TENM4: variants seen among roughly 807,000 people sequenced by gnomAD.
The protein encoded by TENM4 is teneurin transmembrane protein 4.
A neutral mutation model predicts 243.3 loss-of-function variants in TENM4; 82 were observed. The observed-to-expected ratio is 0.34, with a 90% CI of 0.28 to 0.40. The LOEUF (loss-of-function observed/expected upper bound fraction) is 0.40. Ranked by LOEUF, TENM4 falls within the 10% of genes least tolerant of loss-of-function variation. The pLI, the probability that TENM4 is intolerant of heterozygous loss-of-function variation, is 1.00. For missense variants in TENM4, 3,138 were observed against 3,673.3 expected, an observed-to-expected ratio of 0.85 and a Z score of 3.77; for synonymous variants, 1,412 against 1,456.3, an observed-to-expected ratio of 0.97 and a Z score of 0.69.
At chr11:79,086,625 G>A (rs1417911190) in intron 4 of TENM4, among the ~76,000 whole-genome samples, 1 of 152,126 alleles carries the variant, frequency 6.6e-6, no homozygotes, top group Non-Finnish European at 1.5e-5. Flanking sequence ...CTTGAGGTCA[G>A]GAGTTTAAGA....
chr11:78,805,282 C>CACCCCCCCAACCCCCCCCCCCCT lies in TENM4; in HGVS notation c.2179+9_2179+10insAGGGGGGGGGGGGTTGGGGGGGT. On this transcript the variant is annotated intron_variant, in intron 15 of 33. Coordinates refer to ENST00000278550, the MANE Select transcript of TENM4 (RefSeq NM_001098816.3). ...CCCTCTACCCATGCTTCTTCTCCCC[C>CACCCCCCCAACCCCCCCCCCCCT]TGCATTTACCGATAGAACAGTCGTG... is the stretch of plus-strand genomic sequence containing the variant. The CACCCCCCCAACCCCCCCCCCCCT allele has an allele frequency of 1.0e-6, 1 of 995,568 alleles. No homozygotes were observed. The highest frequency in any genetic ancestry group is 1.2e-6 in the Non-Finnish European group (1 of 823,790). The allele number at this position is 995,568 out of a possible 1,614,324, so 61.7% of individuals were successfully genotyped here.
At chr11:78,741,408 A>G (rs1054149969) in intron 19 of TENM4, among the ~76,000 whole-genome samples, 3 of 152,182 alleles carry the variant, frequency 2.0e-5, no homozygotes, top group Non-Finnish European at 2.9e-5. Flanking sequence ...CAAGCTACCA[A>G]TGAGATGCCA....
At chr11:79,415,286 A>C (rs1395797659) in intron 1 of TENM4, among the ~76,000 whole-genome samples, 1 of 152,178 alleles carries the variant, frequency 6.6e-6, no homozygotes, top group South Asian at 2.1e-4. Flanking sequence ...CTTTGGAAGC[A>C]CTCATGTCTA....
chr11:78,904,342 A>C (rs1856012928), intron 6 of TENM4, among the ~76,000 whole-genome samples: 1 of 124,492 alleles, frequency 8.0e-6, no homozygotes, highest in Non-Finnish European at 1.6e-5. Context: ...CCTGAGCTAC[A>C]GAGCAAGACT....
intron 19 of TENM4, among the ~76,000 whole-genome samples, chr11:78,755,741 A>G: frequency 6.6e-6 from 1 of 152,112 alleles, no homozygotes; most frequent in Non-Finnish European, 1.5e-5. Context: ...AGACACAATC[A>G]GTTACCAAGT....
At chr11:78,705,637 T>G (rs1347081792) in intron 27 of TENM4, among the ~76,000 whole-genome samples, 2 of 152,182 alleles carry the variant, frequency 1.3e-5, no homozygotes, top group Non-Finnish European at 2.9e-5. Context: ...GTGCCTTTAT[T>G]AAAGCACTTG....
chr11:79,258,560 C>T (rs1855739597), intron 2 of TENM4, among the ~76,000 whole-genome samples: 1 of 152,184 alleles, frequency 6.6e-6, no homozygotes, highest in East Asian at 1.9e-4. Context: ...TTGTAATACA[C>T]CAGTTTCCAA....
At chr11:78,714,515 CG>C (rs1859478581) in intron 25 of TENM4, among the ~76,000 whole-genome samples, 1 of 152,172 alleles carries the variant, frequency 6.6e-6, no homozygotes, top group South Asian at 2.1e-4. Flanking sequence ...GAGGTCTCTC[CG>C]CCTGTAGCCT....
chr11:79,008,542 T>C (rs1016650287), intron 6 of TENM4, among the ~76,000 whole-genome samples: 40 of 152,236 alleles, frequency 2.6e-4, no homozygotes, highest in African/African-American at 9.2e-4. Flanking sequence ...TGCTTAACAT[T>C]TTATGATAAA....
At chr11:79,227,002 G>A (rs888237090) in intron 2 of TENM4, among the ~76,000 whole-genome samples, 1 of 152,206 alleles carries the variant, frequency 6.6e-6, no homozygotes, top group African/African-American at 2.4e-5. Flanking sequence ...GCTCTGCAGG[G>A]AGCTACATTT....
intron 4 of TENM4, among the ~76,000 whole-genome samples, chr11:79,091,081 A>G (rs1394908218): frequency 1.3e-5 from 2 of 152,192 alleles, no homozygotes; most frequent in East Asian, 3.9e-4. Context: ...GTTAGGTTTC[A>G]GAGCTCTTAC....
At position 78,733,566 on chromosome 11, in the gene TENM4, C is replaced by T. The variant is rs540302551; in HGVS notation, c.2877-989G>A. Among the ~76,000 whole-genome samples the T allele has an allele frequency of 7.2e-5, 11 of 152,300 alleles. No homozygotes were observed. In the South Asian group the frequency reaches 1.9e-3, roughly 26 times the overall value. ...TACTGGCAGCTCTGTTTGGTGCTGGCATCTTAACTCCAATCACCTGCAGAC... is the reference window on the plus strand; with the variant it reads ...TACTGGCAGCTCTGTTTGGTGCTGGTATCTTAACTCCAATCACCTGCAGAC... On this transcript the variant is annotated intron_variant, in intron 20 of 33. Coordinates refer to ENST00000278550, the MANE Select transcript of TENM4 (RefSeq NM_001098816.3).
At chr11:79,352,885 TA>T (rs1857438502) in intron 1 of TENM4, among the ~76,000 whole-genome samples, 2 of 151,384 alleles carry the variant, frequency 1.3e-5, no homozygotes, top group African/African-American at 4.9e-5. Flanking sequence ...AAGTAGAAAA[TA>T]AAAAGGCAGT....
intron 22 of TENM4, among the ~76,000 whole-genome samples, chr11:78,728,378 G>A (rs1343015878): frequency 6.6e-6 from 1 of 152,160 alleles, no homozygotes; most frequent in Non-Finnish European, 1.5e-5. Context: ...GATTAATGGA[G>A]TGACTAATGT....
At chr11:78,915,119 G>A (rs886963525) in intron 6 of TENM4, among the ~76,000 whole-genome samples, 1 of 152,212 alleles carries the variant, frequency 6.6e-6, no homozygotes, top group African/African-American at 2.4e-5. Context: ...AAGGTTAACA[G>A]GTTAATTAGA....
intron 7 of TENM4, among the ~76,000 whole-genome samples, chr11:78,892,444 GCA>G (rs1156899673): frequency 1.3e-5 from 2 of 152,300 alleles, no homozygotes; most frequent in East Asian, 3.9e-4. Flanking sequence ...CTTAGAGCCA[GCA>G]TTCCCAAATT....
At chr11:78,672,761 G>A (rs879146538) in intron 30 of TENM4, among the ~76,000 whole-genome samples, 2 of 152,142 alleles carry the variant, frequency 1.3e-5, no homozygotes, top group Admixed American at 6.5e-5. Flanking sequence ...GGAGACCAAA[G>A]CTCAGGGAGG....
chr11:78,712,388 C>A, intron 26 of TENM4, 94 bp downstream of exon 26: 1 of 1,278,108 alleles, frequency 7.8e-7, no homozygotes, highest in Non-Finnish European at 1.1e-6. Context: ...TGGTATTTTC[C>A]AAAAATTTTT....
intron 15 of TENM4, among the ~76,000 whole-genome samples, chr11:78,791,501 G>A (rs1857055845): frequency 6.6e-6 from 1 of 152,172 alleles, no homozygotes; most frequent in African/African-American, 2.4e-5. Flanking sequence ...ACTATACTTT[G>A]GAGGACTGCT....
Sources: gnomAD v4.1 joint callset for allele counts (sites outside exome capture counted in the v4.1 genomes callset) on GRCh38, gnomAD v4.1.1 for gene constraint, MANE v1.5 for transcripts, NCBI Gene and HGNC (gene_info 2026-07-23, HGNC 2026-07-21) for gene names.